USP30: variants seen among roughly 807,000 people sequenced by gnomAD.
The protein encoded by USP30 is ubiquitin carboxyl-terminal hydrolase 30.
A neutral mutation model predicts 68.2 loss-of-function variants in USP30; 41 were observed. That is an observed-to-expected ratio of 0.60 (90% CI 0.47 to 0.78). The LOEUF (loss-of-function observed/expected upper bound fraction) is 0.78. USP30 is among the 30% of genes least tolerant of loss of function. USP30 has a pLI of 0.00. For synonymous variants in USP30, 229 were observed against 253.7 expected (o/e 0.90, Z 0.93); for missense variants, 522 against 649.4 (o/e 0.80, Z 2.13).
chr12:109,061,537 T>G lies in USP30; in HGVS notation c.376+3429T>G, dbSNP rs529239994. Among the ~76,000 whole-genome samples, 8 of 151,974 alleles carry G rather than the reference T, an allele frequency of 5.3e-5. No individual in the cohort carries two copies. The East Asian group carries it at 1.4e-3, about 26-fold the overall frequency. ...CAATCCTCCATTTCCATTTCCCAGGTAGCTGGGACTACAGGCACATGCCAC... is the reference window on the plus strand; with the variant it reads ...CAATCCTCCATTTCCATTTCCCAGGGAGCTGGGACTACAGGCACATGCCAC... On this transcript the variant is annotated intron_variant, in intron 3 of 12. Coordinates refer to ENST00000257548, the MANE Select transcript of USP30 (RefSeq NM_032663.5).
At chr12:109,073,315 G>A (rs937585369) in intron 6 of USP30, 123 bp from the exon 7 acceptor site, 11 of 671,656 alleles carry the variant, frequency 1.6e-5, no homozygotes, top group South Asian at 5.5e-5. Flanking sequence ...CTATTTCAAT[G>A]TACTTTTCAA....
chr12:109,038,756 C>T lies in USP30; in HGVS notation c.-135-8834C>T, dbSNP rs114561389. Among the ~76,000 whole-genome samples, 619 of 152,248 alleles carry T rather than the reference C, an allele frequency of 4.1e-3. 6 individuals carry two copies. The highest frequency in any genetic ancestry group is 0.015 in the African/African-American group (603 of 41,534). ...TAGCAACGTATGATATCCAGTTGCTCCAAATCCTCACCAACAAGTGATATT... is the reference window on the plus strand; with the variant it reads ...TAGCAACGTATGATATCCAGTTGCTTCAAATCCTCACCAACAAGTGATATT... On this transcript the variant is annotated intron_variant, in intron 3 of 15. Coordinates refer to the USP30 transcript ENST00000392784.
chr12:109,058,142 C>T (rs1336535777), intron 3 of USP30, 34 bp downstream of exon 3: 1 of 1,565,942 alleles, frequency 6.4e-7, no homozygotes, highest in East Asian at 2.3e-5. Context: ...GAATTATGTA[C>T]CTTTTCAAAG....
intron 3 of USP30, among the ~76,000 whole-genome samples, chr12:109,034,927 G>C (rs577851233): frequency 6.6e-6 from 1 of 152,158 alleles, no homozygotes; most frequent in South Asian, 2.1e-4. Context: ...TCTGATATTA[G>C]TGTAATTACT....
upstream of USP30, among the ~76,000 whole-genome samples, chr12:109,049,722 C>T (rs966159113): frequency 7.3e-5 from 11 of 151,576 alleles, no homozygotes; most frequent in East Asian, 5.8e-4. Flanking sequence ...GGCTGAGGCA[C>T]GAAAATCGCT....
At chr12:109,051,078 A>G (rs1024966270), upstream of USP30, among the ~76,000 whole-genome samples, 4 of 151,950 alleles carry the variant, frequency 2.6e-5, no homozygotes, top group African/African-American at 9.7e-5. Context: ...TTCGGTAGCC[A>G]TGGGTTCTTG....
At chr12:109,049,215 C>A (rs1288977226), upstream of USP30, among the ~76,000 whole-genome samples, 1 of 152,192 alleles carries the variant, frequency 6.6e-6, no homozygotes, top group Non-Finnish European at 1.5e-5. Flanking sequence ...TTTTGACACA[C>A]CTTCCTCACT....
At chr12:109,056,829 G>A in intron 2 of USP30, 38 bp downstream of exon 2, 2 of 1,440,284 alleles carry the variant, frequency 1.4e-6, no homozygotes, top group Non-Finnish European at 1.9e-6. Flanking sequence ...CTGTAGACTT[G>A]ACCCAGATCC....
In USP30 at chr12:109,070,033, G is replaced by A. The variant is rs1427657889; in HGVS notation, c.481-1579G>A. On this transcript the variant is annotated intron_variant, in intron 4 of 12. Transcript: ENST00000257548. This position sits in a 1 kb window ranked among gnomAD's most constrained non-coding sequence, Gnocchi z 4.0. Reference sequence around the variant, plus strand: ...AGTTGGCAGGGAGCAGATTGTGCAGGGACTAGGAGGCTGCGGGCGGCATCA... The same window carrying A: ...AGTTGGCAGGGAGCAGATTGTGCAGAGACTAGGAGGCTGCGGGCGGCATCA... Among the ~76,000 whole-genome samples the A allele has an allele frequency of 6.6e-6, 1 of 152,088 alleles. No homozygotes were observed. The highest frequency in any genetic ancestry group is 1.5e-5 in the Non-Finnish European group (1 of 68,006).
At chr12:109,067,813 T>C (rs140039464) in intron 4 of USP30, among the ~76,000 whole-genome samples, 186 bp downstream of exon 4, 45 of 152,310 alleles carry the variant, frequency 3.0e-4, no homozygotes, top group African/African-American at 1.0e-3. Context: ...CAGCTGTTTT[T>C]CACTCAGTGG....
rs1483316548 is a variant in USP30 at position 109,070,040 on chromosome 12, G to A, written c.481-1572G>A. Among the ~76,000 whole-genome samples the A allele has an allele frequency of 6.6e-6, 1 of 152,094 alleles. No homozygotes were observed. Among genetic ancestry groups the A allele is most frequent in the African/African-American group, 2.4e-5 (1 of 41,400 alleles). On this transcript the variant is annotated intron_variant, in intron 4 of 12. Transcript: ENST00000257548. The surrounding 1 kb of genome is among the most constrained non-coding windows in gnomAD (Gnocchi z 4.0). ...AGGGAGCAGATTGTGCAGGGACTAG[G>A]AGGCTGCGGGCGGCATCAGCTTCTA... is the stretch of plus-strand genomic sequence containing the variant.
At chr12:109,037,137 C>T (rs1046025165) in intron 3 of USP30, among the ~76,000 whole-genome samples, 2 of 152,058 alleles carry the variant, frequency 1.3e-5, no homozygotes, top group African/African-American at 2.4e-5. Flanking sequence ...CCTTCTGTTC[C>T]TCATCTCAAT....
chr12:109,070,277 A>T lies in USP30; in HGVS notation c.481-1335A>T, dbSNP rs2041396501. On this transcript the variant is annotated intron_variant, in intron 4 of 12. Transcript: ENST00000257548. This position sits in a 1 kb window ranked among gnomAD's most constrained non-coding sequence, Gnocchi z 4.0. ...AGGAATTTAGGGCGTATTTTGGAGG[A>T]GGGTCCTTTTTTCAGGACTGCTGCT... Among the ~76,000 whole-genome samples, 1 of 152,002 alleles carries T rather than the reference A, an allele frequency of 6.6e-6. No homozygotes were observed. The highest frequency in any genetic ancestry group is 6.6e-5 in the Admixed American group (1 of 15,260).
intron 7 of USP30, among the ~76,000 whole-genome samples, chr12:109,079,966 A>T (rs2041746605): frequency 6.6e-6 from 1 of 152,224 alleles, no homozygotes; most frequent in Admixed American, 6.5e-5. Context: ...TTACATATCT[A>T]TGAAGAAAAA....
chr12:109,038,155 T>C (rs1324524365), intron 3 of USP30, among the ~76,000 whole-genome samples: 3 of 151,176 alleles, frequency 2.0e-5, no homozygotes, highest in Non-Finnish European at 4.4e-5. Flanking sequence ...TTATTTCTGA[T>C]GCTCTCCCTC....
chr12:109,026,194 G>T (rs1189126612), intron 2 of USP30, among the ~76,000 whole-genome samples: 1 of 152,014 alleles, frequency 6.6e-6, no homozygotes, highest in Non-Finnish European at 1.5e-5. Flanking sequence ...TCCCACCTCA[G>T]CCTCCTGAGT....
chr12:109,055,400 A>ATATATATATATATTTTTT (rs1298811530), intron 1 of USP30, among the ~76,000 whole-genome samples: 1 of 24,468 alleles, frequency 4.1e-5, no homozygotes, highest in African/African-American at 1.1e-4. Flanking sequence ...ATATATATAT[A>ATATATATATATATTTTTT]TTTTTTTTTT....
At chr12:109,063,393 G>T (rs138122046) in intron 3 of USP30, among the ~76,000 whole-genome samples, 2 of 152,148 alleles carry the variant, frequency 1.3e-5, no homozygotes, top group South Asian at 2.1e-4. Context: ...GAGCCACCAC[G>T]CCAGGCCTAG....
intron 3 of USP30, among the ~76,000 whole-genome samples, chr12:109,029,539 A>G (rs2040466889): frequency 6.6e-6 from 1 of 152,158 alleles, no homozygotes; most frequent in South Asian, 2.1e-4. Context: ...TGTACTTATT[A>G]GGGCACACTG....
Sources: gnomAD v4.1 joint callset for allele counts (sites outside exome capture counted in the v4.1 genomes callset) on GRCh38, gnomAD v4.1.1 for gene constraint, Gnocchi (gnomAD v3.1) non-coding constraint, MANE v1.5 for transcripts, NCBI Gene and HGNC (gene_info 2026-07-23, HGNC 2026-07-21) for gene names.